The following LHFPL2 variants were observed in gnomAD, a reference collection of about 807,000 sequenced individuals.
LHFPL2 encodes the protein LHFPL tetraspan subfamily member 2 protein.
Under a neutral mutation model 17.5 loss-of-function variants are expected in LHFPL2, and 7 were observed. That is an observed-to-expected ratio of 0.40 (90% CI 0.23 to 0.75). The LOEUF (loss-of-function observed/expected upper bound fraction) is 0.75. LHFPL2 is among the 30% of genes least tolerant of loss of function. The probability of loss-of-function intolerance (pLI) is 0.37; values close to 1 mark genes in which losing one functional copy is unlikely to be tolerated. For synonymous variants in LHFPL2, 134 were observed against 116.2 expected (o/e 1.15, Z -0.99); for missense variants, 241 against 294.8 (o/e 0.82, Z 1.34).
rs538217073 is a variant in LHFPL2 at position 78,577,843 on chromosome 5, T to C, written c.-244-12972A>G. Among the ~76,000 whole-genome samples, 28 of 152,100 alleles carry C rather than the reference T, an allele frequency of 1.8e-4. No homozygotes were observed. The South Asian group carries it at 5.6e-3, about 30-fold the overall frequency. On this transcript the variant is annotated intron_variant, in intron 2 of 4. Coordinates refer to ENST00000380345, the MANE Select transcript of LHFPL2 (RefSeq NM_005779.3). ...CTCCCCTAAGCAATATCATATTCAG[T>C]TTTCTTAAATTTTTTTAAAAGTGAA...
intron 2 of LHFPL2, among the ~76,000 whole-genome samples, chr5:78,616,378 C>T (rs545118801): frequency 9.9e-5 from 15 of 152,270 alleles, no homozygotes; most frequent in African/African-American, 3.1e-4. Context: ...CCAGCCGCCT[C>T]GCCCTCCCAA....
chr5:78,583,662 T>A (rs1414788362), intron 2 of LHFPL2, among the ~76,000 whole-genome samples: 1 of 152,240 alleles, frequency 6.6e-6, no homozygotes, highest in African/African-American at 2.4e-5. Context: ...GCTGTTAGTC[T>A]GATGGGCTTC....
At chr5:78,505,978 C>T (rs1200079306) in intron 4 of LHFPL2, among the ~76,000 whole-genome samples, 3 of 152,254 alleles carry the variant, frequency 2.0e-5, no homozygotes, top group Non-Finnish European at 4.4e-5. Context: ...CCTGAACCCT[C>T]ATTACTGAGT....
intron 2 of LHFPL2, among the ~76,000 whole-genome samples, chr5:78,622,803 T>A (rs1326855192): frequency 1.3e-5 from 2 of 152,202 alleles, no homozygotes; most frequent in Admixed American, 6.5e-5. Flanking sequence ...CAGGGTGAGC[T>A]GGGCTGCTTG....
Position 78,509,028 on chromosome 5 carries a change from T to C in LHFPL2, c.430+756A>G, listed in dbSNP as rs146742306. Among the ~76,000 whole-genome samples the C allele has an allele frequency of 4.2e-3, 637 of 152,300 alleles. 5 individuals carry two copies. Among genetic ancestry groups the C allele is most frequent in the Middle Eastern group, 0.014 (4 of 294 alleles). ...ACCCATGCGGGGAAGCCTACGAAAA[T>C]ACTGGTAGCAGTGGATGCTTTCCTG... On this transcript the variant is annotated intron_variant, in intron 4 of 4. Transcript: ENST00000380345.
intron 3 of LHFPL2, among the ~76,000 whole-genome samples, chr5:78,530,821 T>C (rs952792298): frequency 6.6e-6 from 1 of 152,210 alleles, no homozygotes; most frequent in Non-Finnish European, 1.5e-5. Flanking sequence ...TATCAGGTAT[T>C]GGGTGGCAGA....
chr5:78,633,846 G>A (rs1745334351), intron 1 of LHFPL2, among the ~76,000 whole-genome samples: 2 of 152,124 alleles, frequency 1.3e-5, no homozygotes, highest in South Asian at 2.1e-4. Flanking sequence ...GAAAGAGAAT[G>A]CATGCTTCTC....
At chr5:78,572,513 CACACACATATATATATAT>C (rs1757027421) in intron 2 of LHFPL2, among the ~76,000 whole-genome samples, 1 of 146,630 alleles carries the variant, frequency 6.8e-6, no homozygotes, top group African/African-American at 2.5e-5. Flanking sequence ...TATATATATA[CACACACATATATATATAT>C]ACACACACAT....
intron 4 of LHFPL2, among the ~76,000 whole-genome samples, chr5:78,508,637 C>T (rs139941962): frequency 1.3e-5 from 2 of 152,298 alleles, no homozygotes; most frequent in African/African-American, 4.8e-5. Flanking sequence ...TGCTATGAGG[C>T]CAGCTAGAGT....
chr5:78,576,062 G>A (rs561236840), intron 2 of LHFPL2, among the ~76,000 whole-genome samples: 3 of 152,146 alleles, frequency 2.0e-5, no homozygotes, highest in African/African-American at 7.2e-5. Context: ...TTGGGAGGCC[G>A]AGGCGGGTGG....
At position 78,541,914 on chromosome 5, in the gene LHFPL2, T is replaced by C. The variant is rs10035651; in HGVS notation, c.-186+22899A>G. On this transcript the variant is annotated intron_variant, in intron 3 of 4. Transcript: ENST00000380345. Reference sequence around the variant, plus strand: ...AGAAGCCAGAACCACAGTGGTTAAGTTACATTTTTTTTATAAAAAGCATCT... The same window carrying C: ...AGAAGCCAGAACCACAGTGGTTAAGCTACATTTTTTTTATAAAAAGCATCT... 9.9e-3 allele frequency among the ~76,000 whole-genome samples: 1,501 copies of C among 152,300 alleles called. 10 individuals are homozygous for C. Among genetic ancestry groups the C allele is most frequent in the Non-Finnish European group, 0.015 (988 of 68,016 alleles).
At chr5:78,507,464 G>A (rs1006223906) in intron 4 of LHFPL2, among the ~76,000 whole-genome samples, 4 of 152,116 alleles carry the variant, frequency 2.6e-5, no homozygotes, top group African/African-American at 9.7e-5. Context: ...ACCAAAATAT[G>A]TTGGACTAAT....
Position 78,647,860 on chromosome 5 carries a change from C to T in LHFPL2, c.-350+639G>A, listed in dbSNP as rs551808167. The stretch of plus-strand genomic sequence containing the variant: ...AAAAAACTGTGTGCCTAAAAACATC[C>T]AGAAACACACGCAGAGTCTCCCCAG... On this transcript the variant is annotated intron_variant, in intron 1 of 4. Transcript: ENST00000380345. Among the ~76,000 whole-genome samples the T allele has an allele frequency of 3.3e-5, 5 of 152,292 alleles. No individual in the cohort carries two copies. In the South Asian group the frequency reaches 1.0e-3, roughly 32 times the overall value.
intron 2 of LHFPL2, among the ~76,000 whole-genome samples, chr5:78,572,134 G>A (rs79729688): frequency 2.0e-5 from 3 of 152,246 alleles, no homozygotes; most frequent in African/African-American, 7.2e-5. Context: ...ACCAGGTAGG[G>A]GGGATTCCAG....
At chr5:78,616,035 C>T (rs990492416) in intron 2 of LHFPL2, among the ~76,000 whole-genome samples, 6 of 152,050 alleles carry the variant, frequency 3.9e-5, no homozygotes, top group African/African-American at 1.4e-4. Context: ...TCCCTCTTGT[C>T]CTCCTTCCTT....
chr5:78,502,083 C>G (rs531426844), intron 4 of LHFPL2, among the ~76,000 whole-genome samples: 5 of 152,164 alleles, frequency 3.3e-5, no homozygotes, highest in Admixed American at 6.5e-5. Flanking sequence ...TAAAAATACT[C>G]CCATGATATT....
intron 2 of LHFPL2, among the ~76,000 whole-genome samples, chr5:78,620,264 G>A (rs1022203190): frequency 2.0e-5 from 3 of 151,542 alleles, no homozygotes; most frequent in Admixed American, 6.6e-5. Context: ...CAGTGATGGT[G>A]AGCATTTTTT....
At chr5:78,609,998 A>C (rs1340752479) in intron 2 of LHFPL2, among the ~76,000 whole-genome samples, 1 of 152,090 alleles carries the variant, frequency 6.6e-6, no homozygotes, top group African/African-American at 2.4e-5. Flanking sequence ...TCCCAGCATT[A>C]ATGGGAATCA....
chr5:78,643,285 A>T (rs969560290), intron 1 of LHFPL2, among the ~76,000 whole-genome samples: 1 of 152,216 alleles, frequency 6.6e-6, no homozygotes, highest in African/African-American at 2.4e-5. Context: ...AAAAGAAAAA[A>T]CAAAACCTTG....
Sources: allele counts gnomAD v4.1 joint callset (sites outside exome capture counted in the v4.1 genomes callset), GRCh38; gene constraint gnomAD v4.1.1; transcripts MANE v1.5; gene names NCBI Gene and HGNC (gene_info 2026-07-23, HGNC 2026-07-21).